The following AEBP2 variants were observed in gnomAD, a reference collection of about 807,000 sequenced individuals.
The protein encoded by AEBP2 is zinc finger protein AEBP2.
A neutral mutation model predicts 50.8 loss-of-function variants in AEBP2; 10 were observed. The ratio of observed to expected loss-of-function variants is 0.20; its 90% CI spans 0.12 to 0.33. The LOEUF is 0.33. Ranked by LOEUF, AEBP2 falls within the 10% of genes least tolerant of loss-of-function variation. AEBP2 has a pLI of 1.00. For synonymous variants in AEBP2, 296 were observed against 261.3 expected, an observed-to-expected ratio of 1.13 and a Z score of -1.28; for missense variants, 570 against 688.0, an observed-to-expected ratio of 0.83 and a Z score of 1.92.
chr12:19,414,113 T>G (rs2095740909), intron 1 of AEBP2, among the ~76,000 whole-genome samples: 1 of 152,008 alleles, frequency 6.6e-6, no homozygotes, highest in Non-Finnish European at 1.5e-5. Context: ...AGGCTGATCT[T>G]GAACTCCTGA....
At chr12:19,471,677 G>A (rs1047150976) in intron 2 of AEBP2, among the ~76,000 whole-genome samples, 1 of 151,584 alleles carries the variant, frequency 6.6e-6, no homozygotes, top group Admixed American at 6.6e-5. Flanking sequence ...GAGTGCATAT[G>A]CCATTATGCC....
chr12:19,483,628 T>G (rs112627701), intron 3 of AEBP2, among the ~76,000 whole-genome samples: 1 of 152,186 alleles, frequency 6.6e-6, no homozygotes, highest in Non-Finnish European at 1.5e-5. Flanking sequence ...CTCCTCCCGA[T>G]TGTACCTTGC....
intron 1 of AEBP2, among the ~76,000 whole-genome samples, chr12:19,432,369 A>C (rs1408600895): frequency 6.6e-6 from 1 of 152,148 alleles, no homozygotes; most frequent in Non-Finnish European, 1.5e-5. Context: ...ATTTCTTCTG[A>C]CTGTACTATG....
At chr12:19,494,456 A>T (rs904734479) in intron 4 of AEBP2, among the ~76,000 whole-genome samples, 3 of 151,722 alleles carry the variant, frequency 2.0e-5, no homozygotes, top group African/African-American at 7.3e-5. Flanking sequence ...CAACAAAAAA[A>T]ACCACCACAA....
intron 5 of AEBP2, among the ~76,000 whole-genome samples, chr12:19,504,153 G>A (rs1452538784): frequency 6.6e-6 from 1 of 151,630 alleles, no homozygotes; most frequent in Non-Finnish European, 1.5e-5. Context: ...CATAACCAAT[G>A]TTGTCCCCTA....
In AEBP2 at chr12:19,493,903, A is replaced by C; in HGVS notation, c.1091A>C (p.Gln364Pro). The C allele has an allele frequency of 6.2e-7, 1 of 1,613,854 alleles. No homozygotes were observed. ...CAGAACTCCTCAAAAGTTTCTAGCC[A>C]GCCAAAGGCCAAAGAAGAATCTCCT... ...SQQNSSKVSSQPKAKEESPSK... is the reference protein window; with the variant it reads ...SQQNSSKVSSPPKAKEESPSK... Residue 364 changes from glutamine to proline, a missense_variant, in exon 4 of 8, where the codon CAG becomes CCG. Gln to Pro is a moderately conservative substitution (Grantham distance 76). Transcript: ENST00000266508.
chr12:19,513,892 A>ATTT (rs34664301), intron 6 of AEBP2, among the ~76,000 whole-genome samples: 2 of 100,348 alleles, frequency 2.0e-5, no homozygotes, highest in African/African-American at 6.7e-5. Flanking sequence ...GGCCGCATGC[A>ATTT]TTTTTTTTTT....
At chr12:19,459,129 A>G (rs549521586) in intron 1 of AEBP2, among the ~76,000 whole-genome samples, 14 of 152,330 alleles carry the variant, frequency 9.2e-5, no homozygotes, top group African/African-American at 3.1e-4. Context: ...TAGTTTATGT[A>G]AGTATGTGCT....
At chr12:19,464,248 T>G (rs548148024) in intron 2 of AEBP2, among the ~76,000 whole-genome samples, 1 of 152,350 alleles carries the variant, frequency 6.6e-6, no homozygotes, top group African/African-American at 2.4e-5. Flanking sequence ...ATACTTAGTG[T>G]GAAGTATCTT....
intron 4 of AEBP2, among the ~76,000 whole-genome samples, chr12:19,497,366 ACACTTAC>A (rs1488704675): frequency 8.8e-6 from 1 of 114,048 alleles, no homozygotes; most frequent in Non-Finnish European, 1.6e-5. Flanking sequence ...ACAGAGTCTC[ACACTTAC>A]TGCCCGGGCT....
intron 1 of AEBP2, among the ~76,000 whole-genome samples, chr12:19,459,396 T>C (rs998178096): frequency 1.3e-5 from 2 of 152,076 alleles, no homozygotes; most frequent in African/African-American, 4.8e-5. Flanking sequence ...TATGCCTGGC[T>C]AATTTTTTGT....
At chr12:19,506,224 G>C (rs1426383836) in intron 5 of AEBP2, among the ~76,000 whole-genome samples, 1 of 151,992 alleles carries the variant, frequency 6.6e-6, no homozygotes, top group African/African-American at 2.4e-5. Flanking sequence ...AGCTTCCCTA[G>C]TAGCTGGGAC....
At chr12:19,497,425 G>A (rs1170756334) in intron 4 of AEBP2, among the ~76,000 whole-genome samples, 1 of 133,876 alleles carries the variant, frequency 7.5e-6, no homozygotes, top group African/African-American at 2.8e-5. Flanking sequence ...AACCTGTAAT[G>A]TTAGGTTGTC....
intron 5 of AEBP2, among the ~76,000 whole-genome samples, chr12:19,507,577 A>T (rs11044629): frequency 0.31 from 47,479 of 152,106 alleles, 9,189 homozygotes; most frequent in African/African-American, 0.54. Context: ...GGAATGAGTG[A>T]TGTCCACCCT....
intron 1 of AEBP2, among the ~76,000 whole-genome samples, chr12:19,432,893 T>C (rs2095752140): frequency 6.6e-6 from 1 of 152,092 alleles, no homozygotes. Context: ...ACCAATGAAA[T>C]TCAAATTATT....
chr12:19,431,715 C>G (rs1338276099), intron 1 of AEBP2, among the ~76,000 whole-genome samples: 3 of 152,146 alleles, frequency 2.0e-5, no homozygotes, highest in Non-Finnish European at 4.4e-5. Flanking sequence ...AATGGGAAAA[C>G]TTGCATCAGA....
At chr12:19,500,982 T>C (rs1949063274) in intron 5 of AEBP2, among the ~76,000 whole-genome samples, 1 of 152,210 alleles carries the variant, frequency 6.6e-6, no homozygotes, top group Admixed American at 6.5e-5. Context: ...ATGTACATTG[T>C]AGATCATACT....
Position 19,500,105 on chromosome 12 carries a change from C to T in AEBP2, c.1183C>T (p.His395Tyr), listed in dbSNP as rs780769182. 2.5e-6 allele frequency: 4 copies of T among 1,605,476 alleles called. No individual in the cohort carries two copies. In the Admixed American group the frequency reaches 5.1e-5, roughly 20 times the overall value. ...NKRRRSLPRP[H>Y]DFFDAQTLDA... The stretch of plus-strand genomic sequence containing the variant: ...TTTATGTTGACTTTTAGCACGGCCA[C>T]ATGATTTCTTCGATGCACAAACACT... Residue 395 changes from histidine (H) to tyrosine (Y), a missense_variant, in exon 5 of 8, where the codon CAT becomes TAT. Coordinates refer to ENST00000266508, the MANE Select transcript of AEBP2 (RefSeq NM_153207.5).
intron 3 of AEBP2, among the ~76,000 whole-genome samples, chr12:19,493,569 T>G (rs1250687903): frequency 6.6e-6 from 1 of 152,178 alleles, no homozygotes; most frequent in Non-Finnish European, 1.5e-5. Context: ...AGCAGTAAAC[T>G]GGGAGGTCGT....
Sources: allele counts gnomAD v4.1 joint callset (sites outside exome capture counted in the v4.1 genomes callset), GRCh38; gene constraint gnomAD v4.1.1; transcripts MANE v1.5; gene names NCBI Gene and HGNC (gene_info 2026-07-23, HGNC 2026-07-21).